The following MYRIP variants were observed in gnomAD, a reference collection of about 807,000 sequenced individuals.
MYRIP encodes the protein myosin VIIA and Rab interacting protein, also known as rab effector MyRIP.
MYRIP carries 49 observed loss-of-function variants against 98.0 expected under a neutral mutation model. That is an observed-to-expected ratio of 0.50 (90% CI 0.40 to 0.63). The LOEUF (loss-of-function observed/expected upper bound fraction) is 0.63, where lower values mean the gene tolerates loss of function less well. MYRIP is among the 30% of genes least tolerant of loss of function. The pLI, the probability that MYRIP is intolerant of heterozygous loss-of-function variation, is 0.00. For synonymous variants in MYRIP, 404 were observed against 409.5 expected, an observed-to-expected ratio of 0.99 and a Z score of 0.16; for missense variants, 1,004 against 1,058.2, an observed-to-expected ratio of 0.95 and a Z score of 0.71.
chr3:40,026,822 C>T (rs1211869776), intron 2 of MYRIP, among the ~76,000 whole-genome samples: 3 of 152,158 alleles, frequency 2.0e-5, no homozygotes, highest in African/African-American at 7.2e-5. Flanking sequence ...TCCACTCTCC[C>T]CTTCTTGAAA....
At chr3:39,987,370 G>A (rs1946056236) in intron 2 of MYRIP, among the ~76,000 whole-genome samples, 1 of 152,156 alleles carries the variant, frequency 6.6e-6, no homozygotes, top group African/African-American at 2.4e-5. Context: ...GTATTCCATG[G>A]TGTATATGTA....
chr3:40,225,037 A>G (rs960941669), intron 11 of MYRIP, among the ~76,000 whole-genome samples: 3 of 152,192 alleles, frequency 2.0e-5, no homozygotes, highest in Non-Finnish European at 4.4e-5. Context: ...GGACATATGG[A>G]GTTTCTTTCC....
At chr3:40,047,383 A>G (rs1215828155) in intron 3 of MYRIP, among the ~76,000 whole-genome samples, 1 of 152,238 alleles carries the variant, frequency 6.6e-6, no homozygotes, top group Non-Finnish European at 1.5e-5. Flanking sequence ...AACCATTCAT[A>G]GAAGGATACC....
intron 11 of MYRIP, among the ~76,000 whole-genome samples, chr3:40,215,499 A>G (rs1000272743): frequency 6.6e-6 from 1 of 152,192 alleles, no homozygotes; most frequent in African/African-American, 2.4e-5. Context: ...GCCAAGCCAC[A>G]TGGAAACCCA....
At chr3:39,819,992 C>T (rs1443607286) in intron 1 of MYRIP, among the ~76,000 whole-genome samples, 3 of 152,166 alleles carry the variant, frequency 2.0e-5, no homozygotes, top group East Asian at 3.8e-4. Context: ...CTGTGATTTA[C>T]AATGTGATAC....
intron 3 of MYRIP, among the ~76,000 whole-genome samples, chr3:40,058,136 CAATTT>C (rs1256895163): frequency 1.3e-5 from 2 of 152,130 alleles, no homozygotes; most frequent in Non-Finnish European, 2.9e-5. Flanking sequence ...AGCACGCAAA[CAATTT>C]AATTTCTATA....
intron 10 of MYRIP, among the ~76,000 whole-genome samples, chr3:40,198,949 G>A (rs1172183619): frequency 2.0e-5 from 3 of 152,166 alleles, no homozygotes; most frequent in Non-Finnish European, 4.4e-5. Flanking sequence ...CGATGAAAAG[G>A]AGGACAAAGG....
chr3:40,107,967 C>A (rs1799414), intron 3 of MYRIP, among the ~76,000 whole-genome samples: 124,486 of 152,172 alleles, frequency 0.82, 50,969 homozygotes, highest in Admixed American at 0.87. Flanking sequence ...CAACTGCATC[C>A]GTGTCCCACA....
intron 3 of MYRIP, among the ~76,000 whole-genome samples, chr3:40,071,669 G>A (rs533050255): frequency 6.6e-5 from 10 of 152,230 alleles, no homozygotes; most frequent in African/African-American, 1.7e-4. Flanking sequence ...AGAGGTTTGC[G>A]AGCAGGATGC....
At position 40,228,514 on chromosome 3, in the gene MYRIP, C is replaced by T. The variant is rs886106104; in HGVS notation, c.1906-5345C>T. Among the ~76,000 whole-genome samples, 4 of 152,150 alleles carry T rather than the reference C, an allele frequency of 2.6e-5. 1 individual carries two copies. Among genetic ancestry groups the T allele is most frequent in the South Asian group, 4.1e-4 (2 of 4,828 alleles). On this transcript the variant is annotated intron_variant, in intron 11 of 16. Coordinates refer to ENST00000302541, the MANE Select transcript of MYRIP (RefSeq NM_015460.4). Reference sequence around the variant, plus strand: ...CAAGACCCTAAAGTGGCAGTCCCCTCGCCACTGCCCCTGTTTCTTGGCTGA... The same window carrying T: ...CAAGACCCTAAAGTGGCAGTCCCCTTGCCACTGCCCCTGTTTCTTGGCTGA...
chr3:40,150,643 A>C (rs1950101045), intron 3 of MYRIP, among the ~76,000 whole-genome samples: 1 of 152,220 alleles, frequency 6.6e-6, no homozygotes, highest in African/African-American at 2.4e-5. Flanking sequence ...GGAGTGACTC[A>C]GTGGATGGTT....
intron 2 of MYRIP, among the ~76,000 whole-genome samples, chr3:40,001,142 A>G (rs1946511136): frequency 1.3e-5 from 2 of 152,254 alleles, no homozygotes; most frequent in African/African-American, 2.4e-5. Context: ...CTTCATGGAT[A>G]TAAATGCTTA....
intron 2 of MYRIP, among the ~76,000 whole-genome samples, chr3:39,921,582 T>C (rs1416260300): frequency 6.6e-6 from 1 of 152,134 alleles, no homozygotes; most frequent in Non-Finnish European, 1.5e-5. Flanking sequence ...AGGTACATTG[T>C]AAAGATGTTG....
At chr3:40,199,479 T>C (rs6789028) in intron 10 of MYRIP, among the ~76,000 whole-genome samples, 1 of 152,084 alleles carries the variant, frequency 6.6e-6, no homozygotes, top group Non-Finnish European at 1.5e-5. Flanking sequence ...TTCGAGGGGA[T>C]GCTCTCTGAC....
chr3:40,177,274 G>A (rs1022196737), intron 8 of MYRIP, among the ~76,000 whole-genome samples: 11 of 152,138 alleles, frequency 7.2e-5, no homozygotes, highest in African/African-American at 2.7e-4. Flanking sequence ...GGTCTGGAGT[G>A]GAGCCAGGGC....
At chr3:40,228,609 T>C (rs1280690808) in intron 11 of MYRIP, among the ~76,000 whole-genome samples, 1 of 152,238 alleles carries the variant, frequency 6.6e-6, no homozygotes, top group Non-Finnish European at 1.5e-5. Context: ...CCCTTCAGCT[T>C]CTGCCTGTTT....
intron 1 of MYRIP, among the ~76,000 whole-genome samples, chr3:39,859,397 C>T (rs916090575): frequency 1.3e-5 from 2 of 152,094 alleles, no homozygotes; most frequent in African/African-American, 4.8e-5. Flanking sequence ...AACCTGCCAA[C>T]AAAGAAAAGC....
chr3:39,936,274 T>A (rs1019451913), intron 2 of MYRIP, among the ~76,000 whole-genome samples: 2 of 152,352 alleles, frequency 1.3e-5, no homozygotes, highest in East Asian at 3.9e-4. Flanking sequence ...TTCTAATTTC[T>A]TTCTGAATCC....
intron 1 of MYRIP, among the ~76,000 whole-genome samples, chr3:39,875,231 TTTC>T (rs943941564): frequency 2.0e-4 from 30 of 152,238 alleles, no homozygotes; most frequent in African/African-American, 7.0e-4. Flanking sequence ...TCTTCTCTCT[TTTC>T]TTCTTTCTTA....
Sources: gnomAD v4.1 joint callset for allele counts (sites outside exome capture counted in the v4.1 genomes callset) on GRCh38, gnomAD v4.1.1 for gene constraint, MANE v1.5 for transcripts, NCBI Gene and HGNC (gene_info 2026-07-23, HGNC 2026-07-21) for gene names.